The following TMEM132C variants were observed in gnomAD, a reference collection of about 807,000 sequenced individuals.
TMEM132C encodes transmembrane protein 132C.
A neutral mutation model predicts 61.4 loss-of-function variants in TMEM132C; 29 were observed. That is an observed-to-expected ratio of 0.47 (90% confidence interval 0.35 to 0.64). TMEM132C has a LOEUF of 0.64. TMEM132C is among the 30% of genes least tolerant of loss of function. TMEM132C has a pLI of 0.00. For synonymous variants in TMEM132C, 656 were observed against 633.1 expected, an observed-to-expected ratio of 1.04 and a Z score of -0.54; for missense variants, 1,408 against 1,476.9, an observed-to-expected ratio of 0.95 and a Z score of 0.76.
At chr12:128,604,406 A>AATATAGAT (rs377035297) in intron 3 of TMEM132C, among the ~76,000 whole-genome samples, 1 of 144,440 alleles carries the variant, frequency 6.9e-6, no homozygotes, top group East Asian at 2.1e-4. Flanking sequence ...TAATGGATGG[A>AATATAGAT]AGATAGATAG....
chr12:128,423,168 G>A (rs1027117986), intron 2 of TMEM132C, among the ~76,000 whole-genome samples: 16 of 152,318 alleles, frequency 1.1e-4, no homozygotes, highest in East Asian at 7.7e-4. Flanking sequence ...GATGCCAAGC[G>A]TGCAGTCTTT....
intron 3 of TMEM132C, among the ~76,000 whole-genome samples, chr12:128,608,759 A>T (rs893113593): frequency 6.6e-6 from 1 of 152,108 alleles, no homozygotes; most frequent in African/African-American, 2.4e-5. Context: ...AGACACAGCT[A>T]TTGATAGTTT....
At chr12:128,460,361 C>T (rs147043575) in intron 2 of TMEM132C, among the ~76,000 whole-genome samples, 1 of 152,284 alleles carries the variant, frequency 6.6e-6, no homozygotes, top group East Asian at 1.9e-4. Context: ...CACAGGGTAG[C>T]CAGGTGGCCA....
In TMEM132C at chr12:128,268,153, C is replaced by G. The variant is rs1003413267; in HGVS notation, c.85+666C>G. ...GATGGGGAGGTGGGTGCGTCCCTCG[C>G]GACGGGAACTACCTCACCAGCGGTC... On this transcript the variant is annotated intron_variant, in intron 1 of 8. Transcript: ENST00000435159. Among the ~76,000 whole-genome samples the G allele has an allele frequency of 8.5e-5, 13 of 152,270 alleles. No homozygotes were observed. In the South Asian group the frequency reaches 2.5e-3, roughly 29 times the overall value.
At chr12:128,387,804 T>C (rs905045998) in intron 1 of TMEM132C, among the ~76,000 whole-genome samples, 1 of 151,940 alleles carries the variant, frequency 6.6e-6, no homozygotes, top group Non-Finnish European at 1.5e-5. Flanking sequence ...TGAGAATCTG[T>C]CTAAAAAGAA....
At chr12:128,376,429 C>A (rs73159812) in intron 1 of TMEM132C, among the ~76,000 whole-genome samples, 3 of 152,006 alleles carry the variant, frequency 2.0e-5, no homozygotes, top group Admixed American at 1.3e-4. Flanking sequence ...AAAAGGCCTT[C>A]GGGACATCTC....
intron 5 of TMEM132C, among the ~76,000 whole-genome samples, chr12:128,679,378 CA>C (rs1438912171): frequency 8.5e-5 from 13 of 152,352 alleles, no homozygotes; most frequent in Admixed American, 5.9e-4. Context: ...GTTTCTCCCT[CA>C]GGGGTCCCTG....
intron 1 of TMEM132C, among the ~76,000 whole-genome samples, chr12:128,393,544 C>T (rs1874839097): frequency 6.6e-6 from 1 of 152,158 alleles, no homozygotes; most frequent in African/African-American, 2.4e-5. Flanking sequence ...CAGTGTTTGG[C>T]ATATATTAAC....
intron 3 of TMEM132C, among the ~76,000 whole-genome samples, chr12:128,607,239 G>A (rs973843440): frequency 6.6e-6 from 1 of 152,212 alleles, no homozygotes; most frequent in Non-Finnish European, 1.5e-5. Flanking sequence ...AAGCTTCCAG[G>A]AGGCCAGTGG....
chr12:128,694,771 C>T (rs898929476), intron 6 of TMEM132C, among the ~76,000 whole-genome samples: 16 of 152,126 alleles, frequency 1.1e-4, no homozygotes, highest in Non-Finnish European at 1.5e-4. Context: ...GCATTTGGCC[C>T]GATGTGGGAG....
rs1274157463 is a variant in TMEM132C, at chr12:128,632,463, A to C, written c.1305+16128A>C. ...GTTATTTATGATCCATACAGACTTAATTGATGTTCTTTTTCTCTCCAGATG... is the reference window on the plus strand; with the variant it reads ...GTTATTTATGATCCATACAGACTTACTTGATGTTCTTTTTCTCTCCAGATG... On this transcript the variant is annotated intron_variant, in intron 4 of 8. Coordinates refer to ENST00000435159, the MANE Select transcript of TMEM132C (RefSeq NM_001136103.3). 2.0e-5 allele frequency among the ~76,000 whole-genome samples: 3 copies of C among 152,306 alleles called. No individual in the cohort carries two copies. The East Asian group carries it at 5.8e-4, about 29-fold the overall frequency.
At position 128,300,883 on chromosome 12, in the gene TMEM132C, A is replaced by T. The variant is rs1871574107; in HGVS notation, c.85+33396A>T. On this transcript the variant is annotated intron_variant, in intron 1 of 8. Transcript: ENST00000435159. The stretch of plus-strand genomic sequence containing the variant: ...GGGGACCCCACCTCTACAAAAAAAA[A>T]TTCAGAAATTTGTCAGACATGGTCA... 2.0e-5 allele frequency among the ~76,000 whole-genome samples: 3 copies of T among 152,276 alleles called. No individual in the cohort carries two copies. The South Asian group carries it at 6.2e-4, about 32-fold the overall frequency.
In TMEM132C at chr12:128,387,858, T is replaced by TGTTTGTGCA. The variant is rs1276797910; in HGVS notation, c.86-26872_86-26864dup. On this transcript the variant is annotated intron_variant, in intron 1 of 8. Coordinates refer to ENST00000435159, the MANE Select transcript of TMEM132C (RefSeq NM_001136103.3). ...CAATTTTTGTGTGTGGAGACGTGGG[T>TGTTTGTGCA]GTTTGTGCAGGCCAGCTGCCCGTGC... Among the ~76,000 whole-genome samples the TGTTTGTGCA allele has an allele frequency of 7.2e-5, 11 of 151,788 alleles. No individual in the cohort carries two copies. In the East Asian group the frequency reaches 2.1e-3, roughly 29 times the overall value.
intron 1 of TMEM132C, among the ~76,000 whole-genome samples, chr12:128,380,659 T>C (rs1301910533): frequency 6.6e-6 from 1 of 152,136 alleles, no homozygotes; most frequent in Non-Finnish European, 1.5e-5. Flanking sequence ...CCTGTGATCC[T>C]GGTATTTTGG....
chr12:128,705,535 C>T lies in TMEM132C; in HGVS notation c.2567C>T (p.Ala856Val). The change falls in exon 9 of 9, where the codon GCC becomes GTC. Residue 856 changes from alanine to valine, a missense_variant. Ala to Val is a moderately conservative substitution (Grantham distance 64). Coordinates refer to ENST00000435159, the MANE Select transcript of TMEM132C (RefSeq NM_001136103.3). ...CGTGAGGAAGGGGCTCTCCGAAGAG[C>T]CACTACCACGGCCAGGTCCCTGCTG... ...VEREEGALRR[A>V]TTTARSLLDN... 6.4e-7 allele frequency: 1 copy of T among 1,551,068 alleles called. No individual in the cohort carries two copies.
intron 2 of TMEM132C, among the ~76,000 whole-genome samples, chr12:128,495,068 A>G (rs1871894764): frequency 7.3e-6 from 1 of 136,408 alleles, no homozygotes; most frequent in Admixed American, 7.5e-5. Flanking sequence ...GTTTCAAAGA[A>G]CATCTTTATT....
chr12:128,636,826 G>A (rs978930191), intron 4 of TMEM132C, among the ~76,000 whole-genome samples: 1 of 152,016 alleles, frequency 6.6e-6, no homozygotes, highest in Non-Finnish European at 1.5e-5. Context: ...GAGTTGCATT[G>A]TTTCAGAGAC....
At chr12:128,632,455 C>G (rs1184725257) in intron 4 of TMEM132C, among the ~76,000 whole-genome samples, 1 of 152,214 alleles carries the variant, frequency 6.6e-6, no homozygotes, top group Non-Finnish European at 1.5e-5. Flanking sequence ...ATGATCCATA[C>G]AGACTTAATT....
Position 128,267,406 on chromosome 12 carries a change from C to A in TMEM132C, c.4C>A (p.Arg2Ser), listed in dbSNP as rs901045972. 5.8e-6 allele frequency: 7 copies of A among 1,198,880 alleles called. No individual in the cohort carries two copies. Among genetic ancestry groups the A allele is most frequent in the Middle Eastern group, 3.3e-4 (1 of 3,002 alleles). 74.3% of individuals were successfully genotyped at this position (1,198,880 alleles called of 1,614,324 possible). ...GCGTGAGCGGCCGGGACGCAGGATG[C>A]GCTCCGAGGGTGCGGCCCCCGGGCC... is the stretch of plus-strand genomic sequence containing the variant. M[R>S]SEGAAPGPAA... The change falls in exon 1 of 9, where the codon CGC becomes AGC. Residue 2 changes from arginine to serine, a missense_variant. Coordinates refer to ENST00000435159, the MANE Select transcript of TMEM132C (RefSeq NM_001136103.3).
Sources: allele counts gnomAD v4.1 joint callset (sites outside exome capture counted in the v4.1 genomes callset), GRCh38; gene constraint gnomAD v4.1.1; transcripts MANE v1.5; gene names NCBI Gene and HGNC (gene_info 2026-07-23, HGNC 2026-07-21).